DLG2: variants seen among roughly 807,000 people sequenced by gnomAD.
DLG2 encodes discs large MAGUK scaffold protein 2, also known as disks large homolog 2.
Under a neutral mutation model 132.5 loss-of-function variants are expected in DLG2, and 45 were observed. The ratio of observed to expected loss-of-function variants is 0.34; its 90% CI spans 0.27 to 0.44. The LOEUF is 0.44. Among genes scored for constraint, DLG2 ranks in the 20% least tolerant of loss-of-function variants. DLG2 has a pLI of 1.00. For synonymous variants in DLG2, 424 were observed against 419.6 expected, an observed-to-expected ratio of 1.01 and a Z score of -0.13; for missense variants, 1,045 against 1,196.9, an observed-to-expected ratio of 0.87 and a Z score of 1.87.
At chr11:85,302,664 AAC>A (rs1491211826) in intron 3 of DLG2, among the ~76,000 whole-genome samples, 2 of 152,028 alleles carry the variant, frequency 1.3e-5, no homozygotes, top group Non-Finnish European at 2.9e-5. Flanking sequence ...AAAAAAAAAA[AAC>A]AGTCAGTTAG....
At position 84,215,635 on chromosome 11, in the gene DLG2, G is replaced by A. The variant is rs942324035; in HGVS notation, c.573+35603C>T. 7.2e-5 allele frequency among the ~76,000 whole-genome samples: 11 copies of A among 152,116 alleles called. 1 individual carries two copies. The highest frequency in any genetic ancestry group is 2.7e-4 in the African/African-American group (11 of 41,412). The stretch of plus-strand genomic sequence containing the variant: ...ATGCTCATGAAAGAGAGGAAAACCA[G>A]ATATTGAGGTGCAGTAATGATGTTA... On this transcript the variant is annotated intron_variant, in intron 8 of 27. Coordinates refer to ENST00000376104, the MANE Select transcript of DLG2 (RefSeq NM_001142699.3).
At chr11:83,542,350 C>T (rs2096098433) in intron 19 of DLG2, among the ~76,000 whole-genome samples, 1 of 152,060 alleles carries the variant, frequency 6.6e-6, no homozygotes, top group Non-Finnish European at 1.5e-5. Context: ...TAACAAATGT[C>T]CACCCATAGT....
intron 16 of DLG2, among the ~76,000 whole-genome samples, chr11:83,867,155 G>A (rs1156889983): frequency 6.6e-6 from 1 of 152,060 alleles, no homozygotes; most frequent in Non-Finnish European, 1.5e-5. Flanking sequence ...CCTCCAGGTT[G>A]GCCAACTCAT....
At chr11:85,231,448 A>G (rs2075296582) in intron 4 of DLG2, among the ~76,000 whole-genome samples, 1 of 151,988 alleles carries the variant, frequency 6.6e-6, no homozygotes, top group African/African-American at 2.4e-5. Flanking sequence ...TCCACCAACT[A>G]TTCAATCACT....
chr11:84,901,429 T>A (rs2090870529), intron 6 of DLG2, among the ~76,000 whole-genome samples: 1 of 152,058 alleles, frequency 6.6e-6, no homozygotes, highest in Admixed American at 6.6e-5. Context: ...GATAAGTTGG[T>A]TTTGAGCCCT....
chr11:84,327,004 T>A (rs191196668), intron 7 of DLG2, among the ~76,000 whole-genome samples: 8 of 152,208 alleles, frequency 5.3e-5, no homozygotes. Flanking sequence ...ACCTATAGTT[T>A]ATTACCATTT....
At chr11:85,338,944 G>A (rs562842098) in intron 3 of DLG2, among the ~76,000 whole-genome samples, 42 of 151,984 alleles carry the variant, frequency 2.8e-4, no homozygotes, top group Non-Finnish European at 4.9e-4. Flanking sequence ...CGCCCGCCTC[G>A]GCCTCCCAAA....
rs191531364 is a variant in DLG2, at chr11:84,364,526, A to G, written c.520-113235T>C. Among the ~76,000 whole-genome samples the G allele has an allele frequency of 4.5e-4, 69 of 152,194 alleles. No individual in the cohort carries two copies. In the East Asian group the frequency reaches 0.011, roughly 25 times the overall value. On this transcript the variant is annotated intron_variant, in intron 7 of 27. Transcript: ENST00000376104. ...TTTCCTTCTCCTGCCTAATTGCCCT[A>G]GCCAGAACTTCCAACACTATGTCGA... is the stretch of plus-strand genomic sequence containing the variant.
At chr11:83,953,335 G>A (rs1225182080) in intron 14 of DLG2, among the ~76,000 whole-genome samples, 1 of 152,178 alleles carries the variant, frequency 6.6e-6, no homozygotes, top group African/African-American at 2.4e-5. Flanking sequence ...TTTACTGCCT[G>A]AGCTTCCCTT....
At chr11:85,586,728 T>C (rs935607577) in intron 3 of DLG2, among the ~76,000 whole-genome samples, 6 of 152,180 alleles carry the variant, frequency 3.9e-5, no homozygotes, top group African/African-American at 1.4e-4. Flanking sequence ...TTACTTATTT[T>C]TTCTGTTAGG....
At chr11:85,480,640 T>C (rs762797004) in intron 3 of DLG2, among the ~76,000 whole-genome samples, 116 of 152,176 alleles carry the variant, frequency 7.6e-4, no homozygotes, top group Non-Finnish European at 1.1e-3. Flanking sequence ...ATGTTAACTA[T>C]TTTTCCACCA....
intron 19 of DLG2, among the ~76,000 whole-genome samples, chr11:83,550,604 C>G (rs1205107136): frequency 6.6e-6 from 1 of 152,122 alleles, no homozygotes; most frequent in African/African-American, 2.4e-5. Flanking sequence ...GGTTTCAGGG[C>G]TGGGTGAAGC....
In DLG2 at chr11:84,246,656, T is replaced by C. The variant is rs572354542; in HGVS notation, c.573+4582A>G. Among the ~76,000 whole-genome samples, 17 of 152,328 alleles carry C rather than the reference T, an allele frequency of 1.1e-4. 1 individual carries two copies. The South Asian group carries it at 1.9e-3, about 17-fold the overall frequency. ...AAGGAAAAATATAATCATGTTAGTT[T>C]TGCTGTGGCACCCCAAACTGCAAAA... On this transcript the variant is annotated intron_variant, in intron 8 of 27. Coordinates refer to ENST00000376104, the MANE Select transcript of DLG2 (RefSeq NM_001142699.3).
chr11:84,840,800 T>C (rs552926862), intron 6 of DLG2, among the ~76,000 whole-genome samples: 39 of 151,984 alleles, frequency 2.6e-4, no homozygotes, highest in Non-Finnish European at 4.6e-4. Flanking sequence ...ATGAGAACAC[T>C]TGGACACAGG....
intron 6 of DLG2, among the ~76,000 whole-genome samples, chr11:84,770,123 T>G (rs1407429777): frequency 1.3e-5 from 2 of 152,090 alleles, no homozygotes; most frequent in African/African-American, 4.8e-5. Context: ...AAGATCTGGT[T>G]GCTTAAAAGT....
intron 6 of DLG2, chr11:84,546,913 A>T: frequency 6.0e-6 from 1 of 167,468 alleles, no homozygotes; most frequent in Non-Finnish European, 1.3e-5. Flanking sequence ...GAGTAAGGTG[A>T]CAAATGTATC....
intron 15 of DLG2, among the ~76,000 whole-genome samples, chr11:83,914,145 G>A (rs1220688653): frequency 6.6e-6 from 1 of 152,116 alleles, no homozygotes; most frequent in Non-Finnish European, 1.5e-5. Context: ...GGGCCTGGGA[G>A]AGGTGTTTTG....
intron 18 of DLG2, among the ~76,000 whole-genome samples, chr11:83,638,030 A>G (rs1044819504): frequency 2.6e-5 from 4 of 152,190 alleles, no homozygotes; most frequent in Non-Finnish European, 5.9e-5. Context: ...TGCTTTTTAA[A>G]TTACAAGTTG....
chr11:85,364,432 T>A (rs1179865582), intron 3 of DLG2, among the ~76,000 whole-genome samples: 2 of 152,170 alleles, frequency 1.3e-5, no homozygotes, highest in Admixed American at 1.3e-4. Flanking sequence ...ATATAATAAA[T>A]ACCCTAGCTG....
Sources: gnomAD v4.1 joint callset for allele counts (sites outside exome capture counted in the v4.1 genomes callset) on GRCh38, gnomAD v4.1.1 for gene constraint, MANE v1.5 for transcripts, NCBI Gene and HGNC (gene_info 2026-07-23, HGNC 2026-07-21) for gene names.